SGK1: variants seen among roughly 807,000 people sequenced by gnomAD.
SGK1 encodes the protein serum/glucocorticoid regulated kinase 1.
A neutral mutation model predicts 64.2 loss-of-function variants in SGK1; 26 were observed. The observed-to-expected ratio is 0.40, with a 90% CI of 0.30 to 0.56. The LOEUF (loss-of-function observed/expected upper bound fraction) is 0.56, where lower values mean the gene tolerates loss of function less well. Ranked by LOEUF, SGK1 falls within the 20% of genes least tolerant of loss-of-function variation. The pLI is 0.38. For missense variants in SGK1, 519 were observed against 645.6 expected (o/e 0.80, Z 2.12); for synonymous variants, 265 against 239.7 (o/e 1.11, Z -0.98).
chr6:134,220,088 G>GAAA (rs921148766), intron 2 of SGK1, among the ~76,000 whole-genome samples: 1 of 92,348 alleles, frequency 1.1e-5, no homozygotes, highest in Non-Finnish European at 2.1e-5. Context: ...AAAAAAAAAA[G>GAAA]AAAAGAAAAG....
intron 3 of SGK1, among the ~76,000 whole-genome samples, chr6:134,196,771 C>T (rs976282857): frequency 9.2e-5 from 14 of 152,190 alleles, no homozygotes; most frequent in African/African-American, 3.4e-4. Context: ...ATGCCAAAAA[C>T]CACGTATGAG....
chr6:134,176,228 A>T (rs1775229711), intron 3 of SGK1, among the ~76,000 whole-genome samples: 1 of 152,058 alleles, frequency 6.6e-6, no homozygotes, highest in Non-Finnish European at 1.5e-5. Flanking sequence ...GTCATGATAC[A>T]TGGTCTTAAA....
At chr6:134,208,743 T>TAC (rs1231088187) in intron 2 of SGK1, among the ~76,000 whole-genome samples, 4 of 75,252 alleles carry the variant, frequency 5.3e-5, no homozygotes, top group Non-Finnish European at 1.7e-4. Flanking sequence ...ATTCCATGTA[T>TAC]GCGTATATAT....
chr6:134,302,527 T>C (rs533429942), intron 1 of SGK1, among the ~76,000 whole-genome samples: 3 of 152,290 alleles, frequency 2.0e-5, no homozygotes, highest in South Asian at 2.1e-4. Flanking sequence ...AGAGGTTTCA[T>C]AGCAGCTTGT....
At chr6:134,228,841 CTTTTTT>C (rs754300980) in intron 2 of SGK1, among the ~76,000 whole-genome samples, 4 of 129,958 alleles carry the variant, frequency 3.1e-5, no homozygotes, top group African/African-American at 8.6e-5. Context: ...TGTAGTTGTT[CTTTTTT>C]TTTTTTTTTT....
At chr6:134,205,365 A>G (rs1197237378) in intron 3 of SGK1, among the ~76,000 whole-genome samples, 1 of 152,210 alleles carries the variant, frequency 6.6e-6, no homozygotes, top group Non-Finnish European at 1.5e-5. Flanking sequence ...ATAATAAAAC[A>G]AGACAGAAAA....
intron 2 of SGK1, among the ~76,000 whole-genome samples, chr6:134,217,820 T>C (rs1281157827): frequency 2.6e-5 from 4 of 152,186 alleles, no homozygotes; most frequent in East Asian, 1.9e-4. Flanking sequence ...CCACAAGAGA[T>C]TGTGATTCCA....
intron 2 of SGK1, among the ~76,000 whole-genome samples, chr6:134,208,835 T>C (rs1266847121): frequency 7.3e-6 from 1 of 137,904 alleles, no homozygotes; most frequent in Non-Finnish European, 1.5e-5. Flanking sequence ...TATATATGTA[T>C]GTGTGTATGC....
intron 3 of SGK1, among the ~76,000 whole-genome samples, chr6:134,205,480 T>C (rs1264002422): frequency 6.6e-6 from 1 of 151,566 alleles, no homozygotes; most frequent in Non-Finnish European, 1.5e-5. Flanking sequence ...CAAGTCCTCC[T>C]GTTTCTGCTA....
intron 2 of SGK1, 49 bp from the exon 3 acceptor site, chr6:134,207,480 T>A (rs1295154618): frequency 4.7e-6 from 6 of 1,278,216 alleles, no homozygotes; most frequent in African/African-American, 4.4e-5. Flanking sequence ...GCTTCATCAT[T>A]TCAGCTATTT....
At chr6:134,217,473 T>C (rs774093252) in intron 2 of SGK1, among the ~76,000 whole-genome samples, 31 of 152,266 alleles carry the variant, frequency 2.0e-4, no homozygotes, top group Non-Finnish European at 4.0e-4. Context: ...GGATCCTGGG[T>C]GGTGGGCTTC....
intron 3 of SGK1, chr6:134,174,925 G>A: frequency 1.3e-6 from 2 of 1,527,260 alleles, no homozygotes; most frequent in South Asian, 1.2e-5. Flanking sequence ...GGGCCTGCGC[G>A]ACAGTGAGAA....
intron 1 of SGK1, among the ~76,000 whole-genome samples, chr6:134,292,795 C>T (rs1383636973): frequency 6.6e-6 from 1 of 152,188 alleles, no homozygotes; most frequent in Non-Finnish European, 1.5e-5. Flanking sequence ...TAGTCACTTA[C>T]TCTATCAAGA....
At chr6:134,298,613 C>T in intron 1 of SGK1, 1 of 1,144,136 alleles carries the variant, frequency 8.7e-7, no homozygotes, top group Non-Finnish European at 1.3e-6. Flanking sequence ...AGGTACTGGG[C>T]CCACTCGTGT....
At chr6:134,184,366 G>A (rs149664947) in intron 3 of SGK1, among the ~76,000 whole-genome samples, 65 of 151,902 alleles carry the variant, frequency 4.3e-4, no homozygotes, top group South Asian at 1.5e-3. Context: ...TTAGCTGGGC[G>A]TGGTGGTGCG....
intron 1 of SGK1, chr6:134,297,923 G>A (rs1395268872): frequency 1.9e-5 from 15 of 804,794 alleles, no homozygotes; most frequent in East Asian, 1.7e-4. Flanking sequence ...TGATCTCCTC[G>A]TACTGCGCCT....
At chr6:134,216,334 C>T (rs1775984005) in intron 2 of SGK1, among the ~76,000 whole-genome samples, 1 of 152,144 alleles carries the variant, frequency 6.6e-6, no homozygotes, top group South Asian at 2.1e-4. Context: ...TTTCTCATCT[C>T]TCAAGTTGCA....
intron 3 of SGK1, among the ~76,000 whole-genome samples, chr6:134,189,460 T>C (rs1049524957): frequency 2.0e-5 from 3 of 152,148 alleles, no homozygotes; most frequent in Non-Finnish European, 4.4e-5. Context: ...TACATAAACA[T>C]GGTTACTTCA....
At chr6:134,301,102 G>A (rs560929750) in intron 1 of SGK1, among the ~76,000 whole-genome samples, 129 of 152,274 alleles carry the variant, frequency 8.5e-4, no homozygotes, top group Non-Finnish European at 1.6e-3. Context: ...CAAGAGTTGG[G>A]TTTTGAACAG....
Sources: gnomAD v4.1 joint callset for allele counts (sites outside exome capture counted in the v4.1 genomes callset) on GRCh38, gnomAD v4.1.1 for gene constraint, MANE v1.5 for transcripts, NCBI Gene and HGNC (gene_info 2026-07-23, HGNC 2026-07-21) for gene names.